ANO4: variants seen among roughly 807,000 people sequenced by gnomAD.
ANO4 encodes the protein anoctamin-4.
In ANO4, 69 loss-of-function variants were observed where a neutral mutation model predicts 141.9. The observed-to-expected ratio is 0.49, with a 90% CI of 0.40 to 0.59. The LOEUF is 0.59. Ranked by LOEUF, ANO4 falls within the 20% of genes least tolerant of loss-of-function variation. The pLI, the probability that ANO4 is intolerant of heterozygous loss-of-function variation, is 0.00. For synonymous variants in ANO4, 350 were observed against 394.3 expected, an observed-to-expected ratio of 0.89 and a Z score of 1.33; for missense variants, 894 against 1,162.2, an observed-to-expected ratio of 0.77 and a Z score of 3.36.
At chr12:100,725,902 T>C (rs1432528583) in intron 1 of ANO4, among the ~76,000 whole-genome samples, 1 of 152,166 alleles carries the variant, frequency 6.6e-6, no homozygotes, top group East Asian at 1.9e-4. Flanking sequence ...AGCAAATGAC[T>C]TAACCCTCCA....
intron 1 of ANO4, among the ~76,000 whole-genome samples, chr12:100,858,561 T>G (rs2038305070): frequency 6.6e-6 from 1 of 152,140 alleles, no homozygotes; most frequent in African/African-American, 2.4e-5. Flanking sequence ...TTTAAAAAAA[T>G]CCTTCTTGAT....
chr12:100,914,800 G>A (rs1407984996), intron 2 of ANO4, among the ~76,000 whole-genome samples: 2 of 152,094 alleles, frequency 1.3e-5, no homozygotes, highest in Non-Finnish European at 1.5e-5. Context: ...AGACAGAATG[G>A]ACCTCCCTCC....
chr12:101,070,002 A>G (rs551231500), intron 14 of ANO4, among the ~76,000 whole-genome samples: 1 of 152,168 alleles, frequency 6.6e-6, no homozygotes, highest in African/African-American at 2.4e-5. Context: ...TGCTACTAAA[A>G]AAAAGAAATT....
intron 2 of ANO4, among the ~76,000 whole-genome samples, chr12:100,911,510 C>G (rs1057113634): frequency 2.0e-5 from 3 of 152,150 alleles, no homozygotes; most frequent in African/African-American, 7.2e-5. Context: ...TTTATTATTT[C>G]CTTCAGTGTA....
chr12:100,742,593 T>TC (rs2031918926), intron 3 of ANO4, among the ~76,000 whole-genome samples: 1 of 152,168 alleles, frequency 6.6e-6, no homozygotes, highest in Non-Finnish European at 1.5e-5. Flanking sequence ...CTGACAAGTT[T>TC]TAGGCACAAT....
rs145797140 is a variant in ANO4, at chr12:101,056,543, A to G, written c.1312+8142A>G. ...GATGATTAAGAAATTTATAAAATAA[A>G]TAAGTTTTCTTTCTTTCTAATCTAT... On this transcript the variant is annotated intron_variant, in intron 14 of 27. Transcript: ENST00000392977. Among the ~76,000 whole-genome samples, 114 of 152,224 alleles carry G rather than the reference A, an allele frequency of 7.5e-4. 1 individual carries two copies. In the East Asian group the frequency reaches 0.016, roughly 21 times the overall value.
chr12:100,948,531 C>A (rs2042836480), intron 5 of ANO4, among the ~76,000 whole-genome samples: 1 of 151,924 alleles, frequency 6.6e-6, no homozygotes, highest in Admixed American at 6.6e-5. Context: ...GTTCAGCTAC[C>A]TTCTATTTAT....
At chr12:101,007,414 T>G (rs1566119010) in intron 8 of ANO4, among the ~76,000 whole-genome samples, 2 of 152,158 alleles carry the variant, frequency 1.3e-5, no homozygotes, top group Non-Finnish European at 2.9e-5. Context: ...GAAACTACCA[T>G]TTATGAGCAT....
chr12:100,769,523 A>G (rs770555892), intron 3 of ANO4, among the ~76,000 whole-genome samples: 9 of 152,166 alleles, frequency 5.9e-5, no homozygotes, highest in Non-Finnish European at 1.0e-4. Context: ...TAGTTTTTCT[A>G]TTTGTGAAAT....
At chr12:100,727,853 T>G (rs769572186) in intron 1 of ANO4, among the ~76,000 whole-genome samples, 2 of 152,156 alleles carry the variant, frequency 1.3e-5, no homozygotes, top group Non-Finnish European at 1.5e-5. Context: ...ACTAACTGGT[T>G]TGGAAATGTA....
At chr12:100,873,482 G>A (rs1421799917) in intron 1 of ANO4, among the ~76,000 whole-genome samples, 1 of 152,200 alleles carries the variant, frequency 6.6e-6, no homozygotes, top group Non-Finnish European at 1.5e-5. Flanking sequence ...TATACACTAG[G>A]AAAGAGGTTG....
intron 1 of ANO4, among the ~76,000 whole-genome samples, chr12:100,826,631 C>T (rs2036358839): frequency 6.6e-6 from 1 of 152,022 alleles, no homozygotes; most frequent in South Asian, 2.1e-4. Flanking sequence ...CTTTATCTTA[C>T]ACTGTGCTTG....
In ANO4 at chr12:101,110,489, T is replaced by C. The variant is rs776950820; in HGVS notation, c.2235T>C (p.Ile745=). The C allele has an allele frequency of 6.2e-7, 1 of 1,611,930 alleles. No homozygotes were observed. Among genetic ancestry groups the C allele is most frequent in the African/African-American group, 1.3e-5 (1 of 74,862 alleles). The change falls in exon 23 of 28, where the codon ATT becomes ATC. Residue 745 remains isoleucine, a synonymous_variant. Coordinates refer to ENST00000392977, the MANE Select transcript of ANO4 (RefSeq NM_001286615.2). ...LLALLNNIIE[I]RLDAYKFVTQ... ...CCTTACTGAATAACATAATTGAAAT[T>C]CGACTTGATGCTTACAAATTTGTCA...
intron 3 of ANO4, among the ~76,000 whole-genome samples, chr12:100,781,632 AAAT>A (rs1275433202): frequency 1.3e-5 from 2 of 152,158 alleles, no homozygotes; most frequent in African/African-American, 2.4e-5. Context: ...CACAACATTT[AAAT>A]AATGTCTTAC....
chr12:100,812,365 C>A (rs79006560), intron 1 of ANO4, among the ~76,000 whole-genome samples: 3,470 of 152,204 alleles, frequency 0.023, 98 homozygotes, highest in African/African-American at 0.067. Context: ...TAACTCCAAG[C>A]TTTACAAAAC....
chr12:101,058,804 G>A (rs763780423), intron 14 of ANO4, among the ~76,000 whole-genome samples: 8 of 152,058 alleles, frequency 5.3e-5, no homozygotes, highest in Non-Finnish European at 8.8e-5. Context: ...CATGTCATCT[G>A]CAAATAGAGA....
chr12:101,112,791 A>C (rs995463771), intron 24 of ANO4, among the ~76,000 whole-genome samples: 14 of 152,326 alleles, frequency 9.2e-5, no homozygotes, highest in South Asian at 2.1e-4. Context: ...TAAAGCTCAC[A>C]ATCCAGTTAT....
At chr12:100,970,267 C>T (rs1448537186) in intron 5 of ANO4, among the ~76,000 whole-genome samples, 1 of 152,212 alleles carries the variant, frequency 6.6e-6, no homozygotes, top group Non-Finnish European at 1.5e-5. Flanking sequence ...TGACCTTTGA[C>T]AACCTAAATC....
At chr12:100,987,697 C>T in intron 8 of ANO4, 27 bp downstream of exon 8, 1 of 1,611,798 alleles carries the variant, frequency 6.2e-7, no homozygotes, top group Non-Finnish European at 8.5e-7. Context: ...AAAGCCCCAT[C>T]TCACTAAGGA....
Sources: gnomAD v4.1 joint callset for allele counts (sites outside exome capture counted in the v4.1 genomes callset) on GRCh38, gnomAD v4.1.1 for gene constraint, MANE v1.5 for transcripts, NCBI Gene and HGNC (gene_info 2026-07-23, HGNC 2026-07-21) for gene names.